The following KIAA1549L variants were observed in gnomAD, a reference collection of about 807,000 sequenced individuals.
The protein encoded by KIAA1549L is UPF0606 protein KIAA1549L.
KIAA1549L carries 88 observed loss-of-function variants against 160.7 expected under a neutral mutation model. The ratio of observed to expected loss-of-function variants is 0.55; its 90% CI spans 0.46 to 0.65. The LOEUF (loss-of-function observed/expected upper bound fraction) is 0.65, where lower values mean the gene tolerates loss of function less well. Among genes scored for constraint, KIAA1549L ranks in the 30% least tolerant of loss-of-function variants. The pLI is 0.00. For missense variants in KIAA1549L, 2,258 were observed against 2,437.5 expected, an observed-to-expected ratio of 0.93 and a Z score of 1.55; for synonymous variants, 950 against 976.7, an observed-to-expected ratio of 0.97 and a Z score of 0.51.
chr11:33,524,307 C>T (rs753637780), intron 1 of KIAA1549L, among the ~76,000 whole-genome samples: 80 of 152,130 alleles, frequency 5.3e-4, no homozygotes, highest in South Asian at 1.2e-3. Context: ...CTTTCTCATT[C>T]CTAATGTCTT....
intron 16 of KIAA1549L, among the ~76,000 whole-genome samples, chr11:33,637,880 T>A (rs1851477765): frequency 6.6e-6 from 1 of 152,236 alleles, no homozygotes; most frequent in Admixed American, 6.5e-5. Context: ...TGCTAGGAGT[T>A]AGGACTTCAA....
chr11:33,430,951 T>C (rs146106268), intron 1 of KIAA1549L, among the ~76,000 whole-genome samples: 713 of 152,344 alleles, frequency 4.7e-3, no homozygotes, highest in Non-Finnish European at 6.8e-3. Flanking sequence ...CGGTGAGTGT[T>C]ACAGCTCTTA....
In KIAA1549L at chr11:33,609,928, T is replaced by C. The variant is rs1564922719; in HGVS notation, c.5241T>C (p.Asp1747=). The change falls in exon 15 of 21, where the codon GAT becomes GAC. Residue 1747 remains aspartate, a synonymous_variant. Transcript: ENST00000658780. ...AAATGGAGCATGTTTTGGATCCAGA[T>C]TCAGAACTCTGTGCTCCATTCACCG... ...PKEMEHVLDP[D]SELCAPFTES... The C allele has an allele frequency of 6.2e-7, 1 of 1,613,990 alleles. No individual in the cohort carries two copies. Among genetic ancestry groups the C allele is most frequent in the Non-Finnish European group, 8.5e-7 (1 of 1,179,868 alleles).
Position 33,658,903 on chromosome 11 carries a change from G to T in KIAA1549L, c.6007+5G>T. On this transcript the variant is annotated splice_donor_5th_base_variant and intron_variant, in intron 19 of 20. Coordinates refer to ENST00000658780, the MANE Select transcript of KIAA1549L (RefSeq NM_012194.3). Reference sequence around the variant, plus strand: ...AGTCGGCTTTAAATTACTCAGGTGGGCAAGAGAAAAGCCCGAGTGTGCCCC... The same window carrying T: ...AGTCGGCTTTAAATTACTCAGGTGGTCAAGAGAAAAGCCCGAGTGTGCCCC... 2 of 1,546,132 alleles carry T rather than the reference G, an allele frequency of 1.3e-6. No homozygotes were observed. The highest frequency in any genetic ancestry group is 1.7e-6 in the Non-Finnish European group (2 of 1,143,992).
At chr11:33,659,451 G>A (rs1852187913) in intron 19 of KIAA1549L, among the ~76,000 whole-genome samples, 1 of 152,194 alleles carries the variant, frequency 6.6e-6, no homozygotes. Context: ...AAACTGCCAT[G>A]TGGTATTCTA....
intron 10 of KIAA1549L, among the ~76,000 whole-genome samples, chr11:33,577,626 A>G (rs1855496504): frequency 6.6e-6 from 1 of 152,098 alleles, no homozygotes; most frequent in African/African-American, 2.4e-5. Flanking sequence ...TCTTGGGTAT[A>G]ATGAAATGAA....
In KIAA1549L at chr11:33,465,046, C is replaced by CTTTTTTTTTT. The variant is rs1008261470; in HGVS notation, c.239-76738_239-76729dup. 1.1e-4 allele frequency among the ~76,000 whole-genome samples: 9 copies of CTTTTTTTTTT among 79,004 alleles called. 1 individual carries two copies. Among genetic ancestry groups the CTTTTTTTTTT allele is most frequent in the African/African-American group, 3.6e-4 (7 of 19,332 alleles). The allele number at this position is 79,004 out of a possible 152,430, so 51.8% of individuals were successfully genotyped here. On this transcript the variant is annotated intron_variant, in intron 1 of 20. Transcript: ENST00000658780. The stretch of plus-strand genomic sequence containing the variant: ...CATTCAACTCGCATGGGACCTTCTT[C>CTTTTTTTTTT]TTTTTTTTTTTTTTTTTTTTTTTTT...
chr11:33,436,269 C>T (rs1590243332), intron 1 of KIAA1549L, among the ~76,000 whole-genome samples: 1 of 152,230 alleles, frequency 6.6e-6, no homozygotes, highest in East Asian at 1.9e-4. Context: ...TAATAAGGAA[C>T]TGGCTCACGC....
chr11:33,516,720 C>T (rs890596683), intron 1 of KIAA1549L, among the ~76,000 whole-genome samples: 2 of 152,158 alleles, frequency 1.3e-5, no homozygotes, highest in African/African-American at 4.8e-5. Context: ...TGTTTTCTTT[C>T]TGACCAATCC....
intron 16 of KIAA1549L, among the ~76,000 whole-genome samples, chr11:33,638,433 A>AAAAAAT (rs1554927328): frequency 1.1e-3 from 41 of 37,686 alleles, no homozygotes; most frequent in African/African-American, 6.4e-3. Context: ...AAAAAAAAAA[A>AAAAAAT]AAATAAATAA....
At chr11:33,559,233 C>T (rs1452812342) in intron 6 of KIAA1549L, among the ~76,000 whole-genome samples, 3 of 152,156 alleles carry the variant, frequency 2.0e-5, no homozygotes, top group African/African-American at 7.2e-5. Context: ...TTTCAAATTC[C>T]CTGAAAGTTT....
At chr11:33,572,681 C>T (rs1855304203) in intron 9 of KIAA1549L, among the ~76,000 whole-genome samples, 1 of 152,152 alleles carries the variant, frequency 6.6e-6, no homozygotes. Flanking sequence ...TATGAATATA[C>T]TACAGTTTGT....
Position 33,542,976 on chromosome 11 carries a change from G to A in KIAA1549L, c.1413G>A (p.Val471=), listed in dbSNP as rs369280220. 1.9e-6 allele frequency: 3 copies of A among 1,613,854 alleles called. No homozygotes were observed. The highest frequency in any genetic ancestry group is 2.5e-6 in the Non-Finnish European group (3 of 1,179,906). Residue 471 remains valine (V), a synonymous_variant, in exon 2 of 21, where the codon GTG becomes GTA. Coordinates refer to ENST00000658780, the MANE Select transcript of KIAA1549L (RefSeq NM_012194.3). ...CGGCAGAACACACCTCTTCTTTGGTGCCTTCTCTGCATATCACCACACTGG... is the reference window on the plus strand; with the variant it reads ...CGGCAGAACACACCTCTTCTTTGGTACCTTCTCTGCATATCACCACACTGG... ...ALSAEHTSSL[V]PSLHITTLGQ...
chr11:33,459,373 G>C (rs1244903376), intron 1 of KIAA1549L, among the ~76,000 whole-genome samples: 1 of 152,092 alleles, frequency 6.6e-6, no homozygotes, highest in East Asian at 1.9e-4. Context: ...CGCTACTTTG[G>C]AAATGATTGC....
intron 19 of KIAA1549L, 26 bp downstream of exon 19, chr11:33,658,924 G>GC (rs750212819): frequency 3.3e-6 from 5 of 1,526,696 alleles, no homozygotes; most frequent in Non-Finnish European, 1.8e-6. Flanking sequence ...GCCCGAGTGT[G>GC]CCCCCCACCA....
intron 1 of KIAA1549L, among the ~76,000 whole-genome samples, chr11:33,490,679 T>A (rs750093827): frequency 1.3e-5 from 2 of 152,258 alleles, no homozygotes; most frequent in Non-Finnish European, 2.9e-5. Flanking sequence ...ATGCCTCCCT[T>A]CCCCACACCC....
chr11:33,512,576 CCA>C (rs1853251709), intron 1 of KIAA1549L, among the ~76,000 whole-genome samples: 1 of 152,062 alleles, frequency 6.6e-6, no homozygotes, highest in Non-Finnish European at 1.5e-5. Flanking sequence ...GTACCTGCTA[CCA>C]CCCCCAGATA....
chr11:33,583,212 C>T, intron 10 of KIAA1549L, 126 bp from the exon 11 acceptor site: 1 of 900,490 alleles, frequency 1.1e-6, no homozygotes, highest in East Asian at 2.8e-5. Flanking sequence ...TTTCTAACCC[C>T]AAACCCTCTT....
rs558846278 is a variant in KIAA1549L, at chr11:33,609,788, T to A, written c.5101T>A (p.Tyr1701Asn). The change falls in exon 15 of 21, where the codon TAT (tyrosine) becomes AAT (asparagine). Residue 1701 changes from tyrosine to asparagine, a missense_variant. Physicochemically the swap from Tyr to Asn is moderately radical, Grantham distance 143. Around this residue, in one of 6 missense-constraint regions of KIAA1549L, gnomAD observed 1,359 missense variants for 1,546.6 expected, o/e 0.88. Transcript: ENST00000658780. ...ALKQKSDIEH[Y>N]RNKLRLKAKR... ...GAAGCAGAAGTCAGACATCGAGCAC[T>A]ATCGGAACAAGCTGCGCCTCAAAGC... The A allele has an allele frequency of 6.2e-7, 1 of 1,612,732 alleles. No homozygotes were observed. Among genetic ancestry groups the A allele is most frequent in the South Asian group, 1.1e-5 (1 of 90,788 alleles).
Sources: allele counts gnomAD v4.1 joint callset (sites outside exome capture counted in the v4.1 genomes callset), GRCh38; gene constraint gnomAD v4.1.1; regional missense constraint gnomAD v4.1.1; transcripts MANE v1.5; gene names NCBI Gene and HGNC (gene_info 2026-07-23, HGNC 2026-07-21).